Variants in PIPOX observed in about 807,000 individuals in gnomAD.
The protein encoded by PIPOX is peroxisomal sarcosine oxidase.
Under a neutral mutation model 47.9 loss-of-function variants are expected in PIPOX, and 45 were observed. The observed-to-expected ratio is 0.94, with a 90% CI of 0.74 to 1.20. The LOEUF (loss-of-function observed/expected upper bound fraction) is 1.20. Ranked by LOEUF, PIPOX falls within the 50% of genes most tolerant of loss-of-function variation. The pLI is 0.00. For synonymous variants in PIPOX, 165 were observed against 191.3 expected (o/e 0.86, Z 1.13); for missense variants, 458 against 498.4 (o/e 0.92, Z 0.77).
At chr17:29,054,969 G>T (rs994305089) in intron 5 of PIPOX, 94 bp from the exon 6 acceptor site, 1 of 1,497,502 alleles carries the variant, frequency 6.7e-7, no homozygotes, top group Non-Finnish European at 9.2e-7. Context: ...TGGAATGATG[G>T]ATGGGGCTGT....
chr17:29,043,900 C>T (rs1429815472), intron 1 of PIPOX, among the ~76,000 whole-genome samples: 1 of 151,874 alleles, frequency 6.6e-6, no homozygotes, highest in Non-Finnish European at 1.5e-5. Flanking sequence ...CCTTATTTTT[C>T]CTGCTACGCA....
chr17:29,051,338 G>A (rs1006496914), intron 2 of PIPOX, among the ~76,000 whole-genome samples: 1 of 152,186 alleles, frequency 6.6e-6, no homozygotes, highest in African/African-American at 2.4e-5. Context: ...GGCACGCTGC[G>A]CGGCTCTGTG....
At chr17:29,047,005 G>C (rs1366676207) in intron 2 of PIPOX, among the ~76,000 whole-genome samples, 6 of 152,162 alleles carry the variant, frequency 3.9e-5, no homozygotes. Context: ...TAAGAAACTA[G>C]GCTGGGCATG....
At chr17:29,049,342 C>G (rs2065796952) in intron 2 of PIPOX, among the ~76,000 whole-genome samples, 1 of 152,120 alleles carries the variant, frequency 6.6e-6, no homozygotes, top group African/African-American at 2.4e-5. Flanking sequence ...TGCTGATGCC[C>G]TTGTCTCCTC....
intron 3 of PIPOX, 94 bp downstream of exon 3, chr17:29,053,227 G>A (rs1895335581): frequency 3.8e-6 from 5 of 1,325,002 alleles, no homozygotes; most frequent in Non-Finnish European, 5.4e-6. Context: ...TCTGGATGAG[G>A]CCTTTGCCCT....
intron 2 of PIPOX, chr17:29,046,595 C>T: frequency 1.0e-5 from 10 of 985,366 alleles, no homozygotes; most frequent in Non-Finnish European, 1.2e-5. Context: ...GGGTCAGCTG[C>T]ATTCTGTTCC....
At chr17:29,051,094 C>T (rs2065804388) in intron 2 of PIPOX, among the ~76,000 whole-genome samples, 1 of 151,894 alleles carries the variant, frequency 6.6e-6, no homozygotes, top group Non-Finnish European at 1.5e-5. Context: ...GCACTCCAGC[C>T]TGGATGACAG....
intron 6 of PIPOX, 57 bp downstream of exon 6, chr17:29,055,278 G>A: frequency 1.2e-6 from 2 of 1,602,064 alleles, no homozygotes; most frequent in Non-Finnish European, 8.5e-7. Flanking sequence ...AAGGGAAGAA[G>A]GAGACAGACC....
At chr17:29,046,428 T>A (rs2065785842) in intron 2 of PIPOX, among the ~76,000 whole-genome samples, 1 of 152,226 alleles carries the variant, frequency 6.6e-6, no homozygotes, top group African/African-American at 2.4e-5. Flanking sequence ...TGTGCTCTAT[T>A]CCACACCAGT....
At chr17:29,052,063 G>C (rs1387122621) in intron 2 of PIPOX, 1 of 470,680 alleles carries the variant, frequency 2.1e-6, no homozygotes, top group Non-Finnish European at 4.4e-6. Flanking sequence ...ACTAGAGACA[G>C]AGCCAGATCT....
chr17:29,050,534 A>G (rs1223969622), intron 2 of PIPOX, among the ~76,000 whole-genome samples: 5 of 152,208 alleles, frequency 3.3e-5, no homozygotes, highest in Non-Finnish European at 7.3e-5. Flanking sequence ...TTGTGTCTAC[A>G]AAACACAAAA....
chr17:29,053,713 C>T, intron 4 of PIPOX, 118 bp downstream of exon 4: 2 of 628,746 alleles, frequency 3.2e-6, no homozygotes. Flanking sequence ...CACATTCATT[C>T]ACCTCACCGA....
chr17:29,055,307 ATTGT>A, intron 6 of PIPOX, 86 bp downstream of exon 6: 2 of 1,476,272 alleles, frequency 1.4e-6, no homozygotes, highest in Non-Finnish European at 1.9e-6. Flanking sequence ...GCCAGGCCCG[ATTGT>A]TTGACCCCTG....
rs767768572 is a variant in PIPOX at position 29,053,157 on chromosome 17, G to A, written c.477+24G>A. The A allele has an allele frequency of 2.0e-5, 32 of 1,586,930 alleles. 1 individual carries two copies. Among genetic ancestry groups the A allele is most frequent in the Middle Eastern group, 3.9e-4 (2 of 5,126 alleles). On this transcript the variant is annotated intron_variant, in intron 3 of 7. Transcript: ENST00000323372. The stretch of plus-strand genomic sequence containing the variant: ...AGGTAATGTCGTATAGCACTGGGGC[G>A]ATGCAGGTGCTCCCTGCTCTGGGTG...
chr17:29,052,118 T>C, intron 2 of PIPOX: 1 of 452,020 alleles, frequency 2.2e-6, no homozygotes, highest in Non-Finnish European at 4.6e-6. Context: ...CTCTGAGGAA[T>C]GAGAGACAGA....
Position 29,051,474 on chromosome 17 carries a change from A to G in PIPOX, c.264-1446A>G, listed in dbSNP as rs536166383. ...CCATGAGACTCCATTATAGGCTATT[A>G]CGAGCTTTACACCCACTACCTGGGG... is the stretch of plus-strand genomic sequence containing the variant. On this transcript the variant is annotated intron_variant, in intron 2 of 7. Coordinates refer to ENST00000323372, the MANE Select transcript of PIPOX (RefSeq NM_016518.3). 3.9e-5 allele frequency among the ~76,000 whole-genome samples: 6 copies of G among 152,264 alleles called. No individual in the cohort carries two copies. The South Asian group carries it at 6.2e-4, about 16-fold the overall frequency.
At position 29,057,144 on chromosome 17, in the gene PIPOX, A is replaced by C. The variant is rs749786263; in HGVS notation, c.*839A>C. On this transcript the variant is annotated 3_prime_UTR_variant, in exon 8 of 8. Transcript: ENST00000323372. ...TAAAGCTAAGGCCAGCCTCCATCAC[A>C]AATGCCCATAAAATCTGGCTCGTCT... 3.9e-5 allele frequency: 6 copies of C among 152,200 alleles called. No individual in the cohort carries two copies. Among genetic ancestry groups the C allele is most frequent in the Non-Finnish European group, 7.3e-5 (5 of 68,034 alleles). 9.4% of individuals were successfully genotyped at this position (152,200 alleles called of 1,614,324 possible). A position where few individuals can be genotyped will look rare whatever the true frequency, so the allele number is the denominator to read the frequency against.
At position 29,045,041 on chromosome 17, in the gene PIPOX, G is replaced by A. The variant is rs1311774656; in HGVS notation, c.263+34G>A. 3 of 1,560,508 alleles carry A rather than the reference G, an allele frequency of 1.9e-6. No individual in the cohort carries two copies. In the Admixed American group the frequency reaches 5.8e-5, roughly 30 times the overall value. On this transcript the variant is annotated intron_variant, in intron 2 of 7. Transcript: ENST00000323372. ...TGGGAGGAATTCCTTGAATCGTGGG[G>A]CTCTGCACCTGCAGGTACTTTTAGT...
intron 5 of PIPOX, 71 bp from the exon 6 acceptor site, chr17:29,054,992 C>T (rs1029934187): frequency 6.3e-7 from 1 of 1,578,878 alleles, no homozygotes; most frequent in African/African-American, 1.3e-5. Flanking sequence ...TGTGTACACG[C>T]CTGCCCTTCG....
Sources: allele counts gnomAD v4.1 joint callset (sites outside exome capture counted in the v4.1 genomes callset), GRCh38; gene constraint gnomAD v4.1.1; transcripts MANE v1.5; gene names NCBI Gene and HGNC (gene_info 2026-07-23, HGNC 2026-07-21).